Variants in ANXA3 observed in about 807,000 individuals in gnomAD.
ANXA3 encodes the protein annexin A3.
A neutral mutation model predicts 48.8 loss-of-function variants in ANXA3; 46 were observed. That is an observed-to-expected ratio of 0.94 (90% CI 0.74 to 1.21). The LOEUF (loss-of-function observed/expected upper bound fraction) is 1.21. Among genes scored for constraint, ANXA3 ranks in the 50% most tolerant of loss-of-function variants. The probability of loss-of-function intolerance (pLI) is 0.00; values close to 1 mark genes in which losing one functional copy is unlikely to be tolerated. For missense variants in ANXA3, 383 were observed against 378.6 expected (o/e 1.01, Z -0.10); for synonymous variants, 128 against 134.7 (o/e 0.95, Z 0.35).
chr4:78,585,459 C>G (rs1428042164), intron 5 of ANXA3, among the ~76,000 whole-genome samples: 1 of 152,188 alleles, frequency 6.6e-6, no homozygotes, highest in African/African-American at 2.4e-5. Context: ...AAGGATACTC[C>G]CTGAGCATAC....
Position 78,610,102 on chromosome 4 carries a change from G to A in ANXA3, c.959G>A (p.Gly320Asp). ...GAAATCACACTCTTAAAAATCTGTGGTGGAGATGACTGAACCAAGAAGATA... is the reference window on the plus strand; with the variant it reads ...GAAATCACACTCTTAAAAATCTGTGATGGAGATGACTGAACCAAGAAGATA... ...DYEITLLKICGGDD is the reference protein window; with the variant it reads ...DYEITLLKICDGDD Residue 320 changes from glycine to aspartate, a missense_variant, in exon 13 of 13, where the codon GGT becomes GAT. Physicochemically the swap from Gly to Asp is moderately conservative, Grantham distance 94 (BLOSUM62 -1). Coordinates refer to ENST00000264908, the MANE Select transcript of ANXA3 (RefSeq NM_005139.3). 3.1e-6 allele frequency: 5 copies of A among 1,610,336 alleles called. No individual in the cohort carries two copies. The highest frequency in any genetic ancestry group is 2.7e-5 in the African/African-American group (2 of 74,920).
chr4:78,582,301 C>T lies in ANXA3; in HGVS notation c.312+11C>T, dbSNP rs1723089223. ...AAGAAATCCATGAAGGTATGAGCCC[C>T]CCACAAGCCATTTCTGCCCAGGGTT... On this transcript the variant is annotated intron_variant, in intron 5 of 12. Coordinates refer to ENST00000264908, the MANE Select transcript of ANXA3 (RefSeq NM_005139.3). 1.3e-6 allele frequency: 2 copies of T among 1,572,674 alleles called. No individual in the cohort carries two copies. The highest frequency in any genetic ancestry group is 2.2e-5 in the South Asian group (2 of 89,906).
rs1244212747 is a variant in ANXA3, at chr4:78,595,450, G to A, written c.540+13G>A. The A allele has an allele frequency of 3.1e-6, 5 of 1,612,694 alleles. No individual in the cohort carries two copies. Among genetic ancestry groups the A allele is most frequent in the African/African-American group, 1.3e-5 (1 of 74,816 alleles). The stretch of plus-strand genomic sequence containing the variant: ...ACAAGATGCCCAGGTCAGTAACAAA[G>A]CGGGAAAACATTTCCTTTACCTATT... On this transcript the variant is annotated intron_variant, in intron 8 of 12. Transcript: ENST00000264908.
At position 78,582,168 on chromosome 4, in the gene ANXA3, T is replaced by C. The variant is rs772062719; in HGVS notation, c.199-9T>C. The C allele has an allele frequency of 1.3e-6, 2 of 1,585,846 alleles. No individual in the cohort carries two copies. The highest frequency in any genetic ancestry group is 1.1e-5 in the South Asian group (1 of 88,666). On this transcript the variant is annotated splice_polypyrimidine_tract_variant and intron_variant, in intron 4 of 12. Transcript: ENST00000264908. ...TTTCACATTTTTCCCCTTGGTTTTTTGATTTTAGGAGCTGAAAGATGACTT... is the reference window on the plus strand; with the variant it reads ...TTTCACATTTTTCCCCTTGGTTTTTCGATTTTAGGAGCTGAAAGATGACTT...
intron 10 of ANXA3, among the ~76,000 whole-genome samples, chr4:78,598,312 G>A (rs1723465364): frequency 6.8e-6 from 1 of 146,984 alleles, no homozygotes; most frequent in African/African-American, 2.6e-5. Flanking sequence ...TTTCTTTTGA[G>A]ATGGAGTCTC....
At chr4:78,597,866 A>G (rs1723453785) in intron 10 of ANXA3, among the ~76,000 whole-genome samples, 1 of 152,062 alleles carries the variant, frequency 6.6e-6, no homozygotes, top group East Asian at 1.9e-4. Context: ...CATCCACCTC[A>G]GCCTCCCAAA....
At chr4:78,595,246 C>T in intron 7 of ANXA3, 135 bp from the exon 8 acceptor site, 1 of 918,962 alleles carries the variant, frequency 1.1e-6, no homozygotes, top group Non-Finnish European at 1.7e-6. Context: ...GAACTGGAGC[C>T]CTGAGTACAT....
chr4:78,567,043 G>T (rs899313776), intron 2 of ANXA3, among the ~76,000 whole-genome samples: 16 of 152,168 alleles, frequency 1.1e-4, no homozygotes, highest in African/African-American at 3.6e-4. Flanking sequence ...TGCCTGCGGT[G>T]GTGGTGGGAG....
intron 2 of ANXA3, among the ~76,000 whole-genome samples, chr4:78,561,251 G>A (rs534487319): frequency 2.8e-4 from 42 of 152,168 alleles, no homozygotes; most frequent in African/African-American, 9.1e-4. Context: ...CTTCCCTCCC[G>A]AACACTTCCT....
Position 78,573,196 on chromosome 4 carries a change from C to T in ANXA3, c.32C>T (p.Thr11Ile). 6.2e-7 allele frequency: 1 copy of T among 1,613,076 alleles called. No homozygotes were observed. MASIWVGHRGTVRDYPDFSPS... is the reference protein window; with the variant it reads MASIWVGHRGIVRDYPDFSPS... ...TCCTTCTAGGTTGGACACCGAGGAA[C>T]AGTAAGAGATTATCCAGACTTTAGC... The change falls in exon 3 of 13, where the codon ACA becomes ATA. Residue 11 changes from threonine to isoleucine, a missense_variant. Thr to Ile is a moderately conservative substitution (Grantham distance 89). Coordinates refer to ENST00000264908, the MANE Select transcript of ANXA3 (RefSeq NM_005139.3).
chr4:78,554,972 G>A (rs1403624154), intron 2 of ANXA3, among the ~76,000 whole-genome samples: 4 of 152,168 alleles, frequency 2.6e-5, no homozygotes, highest in African/African-American at 7.2e-5. Flanking sequence ...TTGGGAGGCC[G>A]AGGTGGGTGG....
chr4:78,579,183 C>A, intron 4 of ANXA3, 62 bp downstream of exon 4: 3 of 1,126,136 alleles, frequency 2.7e-6, no homozygotes, highest in Non-Finnish European at 4.0e-6. Context: ...GTCGCTCCCA[C>A]ATGGTTATGC....
At chr4:78,563,142 G>A (rs1405775811) in intron 2 of ANXA3, among the ~76,000 whole-genome samples, 1 of 152,078 alleles carries the variant, frequency 6.6e-6, no homozygotes, top group Non-Finnish European at 1.5e-5. Flanking sequence ...TTCTTGTTGG[G>A]ATTATCGCTT....
At chr4:78,560,422 G>C (rs1363270974) in intron 2 of ANXA3, among the ~76,000 whole-genome samples, 1 of 152,144 alleles carries the variant, frequency 6.6e-6, no homozygotes, top group Non-Finnish European at 1.5e-5. Flanking sequence ...ATGAATGCAA[G>C]TTTATTATGA....
chr4:78,557,707 T>C (rs1338362654), intron 2 of ANXA3, among the ~76,000 whole-genome samples: 5 of 151,204 alleles, frequency 3.3e-5, no homozygotes, highest in Non-Finnish European at 5.9e-5. Context: ...TTTTTTTTTT[T>C]TCCTGTTTAC....
intron 6 of ANXA3, among the ~76,000 whole-genome samples, chr4:78,589,108 A>C (rs1036241278): frequency 6.6e-6 from 1 of 152,178 alleles, no homozygotes; most frequent in Non-Finnish European, 1.5e-5. Context: ...ATTTTCGTCT[A>C]TGTTGTTCAC....
chr4:78,610,157 A>G lies in ANXA3; in HGVS notation c.*42A>G. 7.1e-7 allele frequency: 1 copy of G among 1,413,110 alleles called. No homozygotes were observed. Among genetic ancestry groups the G allele is most frequent in the Non-Finnish European group, 1.0e-6 (1 of 1,004,490 alleles). 87.5% of individuals were successfully genotyped at this position (1,413,110 alleles called of 1,614,324 possible). A position where few individuals can be genotyped will look rare whatever the true frequency, so the allele number is the denominator to read the frequency against. On this transcript the variant is annotated 3_prime_UTR_variant, in exon 13 of 13. Coordinates refer to ENST00000264908, the MANE Select transcript of ANXA3 (RefSeq NM_005139.3). ...CCAAAGGTCCACGATGGGCTTTCCC[A>G]ACAGCTCCACCTTACTTCTTCTCAT...
intron 6 of ANXA3, among the ~76,000 whole-genome samples, chr4:78,591,020 C>A (rs1560448434): frequency 6.6e-6 from 1 of 152,130 alleles, no homozygotes. Flanking sequence ...ACATGTAAGG[C>A]AGTTGGATGG....
intron 10 of ANXA3, among the ~76,000 whole-genome samples, chr4:78,600,606 T>C (rs1723515237): frequency 6.6e-6 from 1 of 152,210 alleles, no homozygotes; most frequent in South Asian, 2.1e-4. Context: ...TCTCCTTCTA[T>C]TTCCCTTAAA....
Sources: allele counts gnomAD v4.1 joint callset (sites outside exome capture counted in the v4.1 genomes callset), GRCh38; gene constraint gnomAD v4.1.1; transcripts MANE v1.5; gene names NCBI Gene and HGNC (gene_info 2026-07-23, HGNC 2026-07-21).